The following ARL6IP5 variants were observed in gnomAD, a reference collection of about 807,000 sequenced individuals.
The protein encoded by ARL6IP5 is ARF like GTPase 6 interacting protein 5.
Under a neutral mutation model 13.0 loss-of-function variants are expected in ARL6IP5, and 6 were observed. That is an observed-to-expected ratio of 0.46 (90% CI 0.25 to 0.91). ARL6IP5 has a LOEUF of 0.91. Ranked by LOEUF, ARL6IP5 falls within the 40% of genes least tolerant of loss-of-function variation. The pLI, the probability that ARL6IP5 is intolerant of heterozygous loss-of-function variation, is 0.17. For synonymous variants in ARL6IP5, 91 were observed against 91.9 expected, an observed-to-expected ratio of 0.99 and a Z score of 0.06; for missense variants, 208 against 248.8, an observed-to-expected ratio of 0.84 and a Z score of 1.10.
At chr3:69,093,051 C>T (rs2107511928) in intron 1 of ARL6IP5, among the ~76,000 whole-genome samples, 1 of 152,246 alleles carries the variant, frequency 6.6e-6, no homozygotes, top group Non-Finnish European at 1.5e-5. Flanking sequence ...GAAGTCTAAT[C>T]AGAGCTTTGT....
At chr3:69,091,032 A>G (rs2092263816) in intron 1 of ARL6IP5, among the ~76,000 whole-genome samples, 1 of 152,000 alleles carries the variant, frequency 6.6e-6, no homozygotes, top group Non-Finnish European at 1.5e-5. Flanking sequence ...CCCCATCTCT[A>G]CCAAAAATAG....
At chr3:69,092,097 C>T (rs1286651663) in intron 1 of ARL6IP5, among the ~76,000 whole-genome samples, 1 of 152,052 alleles carries the variant, frequency 6.6e-6, no homozygotes, top group Non-Finnish European at 1.5e-5. Flanking sequence ...AGCGTGGCTT[C>T]CTGTTTCTGA....
chr3:69,101,431 T>G (rs2092304976), intron 1 of ARL6IP5, among the ~76,000 whole-genome samples: 2 of 148,740 alleles, frequency 1.3e-5, no homozygotes, highest in African/African-American at 5.0e-5. Context: ...CAAGTGATCC[T>G]CCCACCTCAG....
chr3:69,089,300 G>A (rs1008798029), intron 1 of ARL6IP5, among the ~76,000 whole-genome samples: 5 of 152,196 alleles, frequency 3.3e-5, no homozygotes, highest in African/African-American at 1.2e-4. Context: ...ACACCCCTAG[G>A]AGAAATACTG....
At chr3:69,099,838 C>T (rs753279402) in intron 1 of ARL6IP5, 5 of 152,712 alleles carry the variant, frequency 3.3e-5, no homozygotes, top group Admixed American at 2.6e-4. Flanking sequence ...ATTGTACCAG[C>T]CCACCACAGA....
intron 1 of ARL6IP5, among the ~76,000 whole-genome samples, chr3:69,099,220 A>C (rs1022158622): frequency 2.0e-5 from 3 of 151,700 alleles, no homozygotes; most frequent in Non-Finnish European, 2.9e-5. Flanking sequence ...AAAATACAAA[A>C]ATTAGCTGGG....
rs752790188 is a variant in ARL6IP5 at position 69,104,448 on chromosome 3, T to C, written c.395-16T>C. ...AATTGTTGCTTTGGTGTTAACCAGG[T>C]GTCCCTTCTCTGCAGTGATGTTTAT... On this transcript the variant is annotated splice_polypyrimidine_tract_variant and intron_variant, in intron 2 of 2. Transcript: ENST00000273258. 1 of 1,607,318 alleles carries C rather than the reference T, an allele frequency of 6.2e-7. No individual in the cohort carries two copies. The highest frequency in any genetic ancestry group is 8.5e-7 in the Non-Finnish European group (1 of 1,175,842).
chr3:69,088,385 C>A (rs2092254438), intron 1 of ARL6IP5, among the ~76,000 whole-genome samples: 1 of 152,154 alleles, frequency 6.6e-6, no homozygotes, highest in South Asian at 2.1e-4. Flanking sequence ...GAGTGTTCAA[C>A]AATGGTTCCA....
chr3:69,092,831 T>C (rs1304733260), intron 1 of ARL6IP5, among the ~76,000 whole-genome samples: 1 of 151,920 alleles, frequency 6.6e-6, no homozygotes, highest in African/African-American at 2.4e-5. Flanking sequence ...TTTTTTTTTT[T>C]TTTTAATTTT....
Position 69,105,389 on chromosome 3 carries a change from CTT to C in ARL6IP5, c.*754_*755del, listed in dbSNP as rs1436313643. 6.6e-6 allele frequency: 1 copy of C among 152,122 alleles called. No homozygotes were observed. The highest frequency in any genetic ancestry group is 2.4e-5 in the African/African-American group (1 of 41,380). 9.4% of individuals were successfully genotyped at this position (152,122 alleles called of 1,614,324 possible). A position where few individuals can be genotyped will look rare whatever the true frequency, so the allele number is the denominator to read the frequency against. ...CAAACAGACAAAAAATAAAACAAAA[CTT>C]GAGTTCTATTTACCTTGCACATTTT... On this transcript the variant is annotated 3_prime_UTR_variant, in exon 3 of 3. Coordinates refer to ENST00000273258, the MANE Select transcript of ARL6IP5 (RefSeq NM_006407.4).
intron 1 of ARL6IP5, among the ~76,000 whole-genome samples, chr3:69,100,505 T>TG (rs1358717152): frequency 4.6e-5 from 7 of 151,980 alleles, no homozygotes; most frequent in Non-Finnish European, 1.0e-4. Flanking sequence ...AGACTGGGCA[T>TG]GGTGTGGCTC....
At chr3:69,093,632 G>A (rs764566334) in intron 1 of ARL6IP5, among the ~76,000 whole-genome samples, 7 of 151,786 alleles carry the variant, frequency 4.6e-5, no homozygotes, top group Non-Finnish European at 7.4e-5. Context: ...GTGTGGTGGC[G>A]CATGCTTTAA....
At chr3:69,085,449 G>T (rs1364690482) in intron 1 of ARL6IP5, among the ~76,000 whole-genome samples, 2 of 152,232 alleles carry the variant, frequency 1.3e-5, no homozygotes, top group Non-Finnish European at 2.9e-5. Context: ...GGCCCTAGGG[G>T]AAAGAGGACG....
chr3:69,088,200 T>C (rs1417067187), intron 1 of ARL6IP5, among the ~76,000 whole-genome samples: 1 of 152,210 alleles, frequency 6.6e-6, no homozygotes, highest in Non-Finnish European at 1.5e-5. Flanking sequence ...TTAGGGAGCG[T>C]CCTTGATTCC....
chr3:69,093,904 T>A (rs979708809), intron 1 of ARL6IP5, among the ~76,000 whole-genome samples: 2 of 152,166 alleles, frequency 1.3e-5, no homozygotes, highest in African/African-American at 4.8e-5. Context: ...CAGTGAGCTA[T>A]GACCATGCCA....
chr3:69,100,062 G>C (rs1464393442), intron 1 of ARL6IP5: 2 of 152,664 alleles, frequency 1.3e-5, no homozygotes, highest in Non-Finnish European at 2.9e-5. Flanking sequence ...AAGTAGCTGG[G>C]ATTACAGGCA....
chr3:69,096,597 C>CTTTTTTTT (rs11291168), intron 1 of ARL6IP5, among the ~76,000 whole-genome samples: 4 of 69,558 alleles, frequency 5.8e-5, no homozygotes, highest in Non-Finnish European at 7.7e-5. Flanking sequence ...TTTTGCTTTG[C>CTTTTTTTT]TTTTTTTTTT....
intron 1 of ARL6IP5, among the ~76,000 whole-genome samples, chr3:69,092,059 T>C (rs1037678791): frequency 5.9e-5 from 9 of 152,044 alleles, no homozygotes; most frequent in Admixed American, 3.9e-4. Context: ...GCCTTCACCC[T>C]TAATACCATC....
chr3:69,088,056 C>CT (rs921616821), intron 1 of ARL6IP5, among the ~76,000 whole-genome samples: 14 of 151,424 alleles, frequency 9.2e-5, no homozygotes, highest in South Asian at 4.2e-4. Context: ...AAAACTGTTA[C>CT]TTTTTTTTTA....
Sources: allele counts gnomAD v4.1 joint callset (sites outside exome capture counted in the v4.1 genomes callset), GRCh38; gene constraint gnomAD v4.1.1; transcripts MANE v1.5; gene names NCBI Gene and HGNC (gene_info 2026-07-23, HGNC 2026-07-21).